The following NAALADL2 variants were observed in gnomAD, a reference collection of about 807,000 sequenced individuals.
NAALADL2 encodes N-acetylated alpha-linked acidic dipeptidase like 2.
Under a neutral mutation model 87.2 loss-of-function variants are expected in NAALADL2, and 76 were observed. That is an observed-to-expected ratio of 0.87 (90% CI 0.72 to 1.05). The LOEUF is 1.05. NAALADL2 is among the 50% of genes least tolerant of loss of function. NAALADL2 has a pLI of 0.00. For missense variants in NAALADL2, 1,089 were observed against 945.8 expected (o/e 1.15, Z -1.99); for synonymous variants, 354 against 331.0 (o/e 1.07, Z -0.75).
chr3:175,788,167 C>T (rs542046569), intron 13 of NAALADL2, among the ~76,000 whole-genome samples: 1 of 147,048 alleles, frequency 6.8e-6, no homozygotes, highest in East Asian at 2.0e-4. Context: ...GATCTGGGCT[C>T]ACTGCATCCT....
At chr3:175,255,229 T>C (rs986328846) in intron 3 of NAALADL2, among the ~76,000 whole-genome samples, 5 of 152,226 alleles carry the variant, frequency 3.3e-5, no homozygotes, top group Admixed American at 1.3e-4. Flanking sequence ...TACAGATGAA[T>C]GTGATGGCTG....
At chr3:175,773,508 T>C (rs1042416646) in intron 13 of NAALADL2, 1 of 152,116 alleles carries the variant, frequency 6.6e-6, no homozygotes, top group Non-Finnish European at 1.5e-5. Flanking sequence ...CCAAGTGCTA[T>C]TTAAGGTTAT....
chr3:174,591,843 T>C (rs1193589395), intron 2 of NAALADL2, among the ~76,000 whole-genome samples: 3 of 152,180 alleles, frequency 2.0e-5, no homozygotes, highest in Non-Finnish European at 4.4e-5. Flanking sequence ...TTTATGAGTT[T>C]TGCTGTTTTG....
At chr3:175,735,218 C>T (rs1474534145) in intron 11 of NAALADL2, among the ~76,000 whole-genome samples, 1 of 152,170 alleles carries the variant, frequency 6.6e-6, no homozygotes, top group Non-Finnish European at 1.5e-5. Context: ...CCAACAAGTT[C>T]CTTATCTTTA....
intron 1 of NAALADL2, among the ~76,000 whole-genome samples, chr3:174,878,868 T>G (rs758608613): frequency 1.3e-5 from 2 of 152,034 alleles, no homozygotes; most frequent in South Asian, 4.1e-4. Flanking sequence ...AAAACAATAA[T>G]AAAAAGAATG....
chr3:175,082,803 G>A (rs1165599841), intron 1 of NAALADL2, among the ~76,000 whole-genome samples: 1 of 152,124 alleles, frequency 6.6e-6, no homozygotes, highest in African/African-American at 2.4e-5. Context: ...CATAGGCTTG[G>A]TAAATATGTA....
chr3:174,592,240 T>A (rs1398636323), intron 2 of NAALADL2, among the ~76,000 whole-genome samples: 1 of 113,250 alleles, frequency 8.8e-6, no homozygotes, highest in Admixed American at 9.5e-5. Flanking sequence ...GAAACAATTT[T>A]TCTTTTTTTA....
At chr3:175,223,911 A>G (rs180731104) in intron 2 of NAALADL2, among the ~76,000 whole-genome samples, 4 of 152,316 alleles carry the variant, frequency 2.6e-5, no homozygotes, top group Admixed American at 2.0e-4. Context: ...AGGACTTTAC[A>G]TATGTTCTAA....
In NAALADL2 at chr3:175,078,028, C is replaced by CT. The variant is rs58379991; in HGVS notation, c.44-18749dup. Among the ~76,000 whole-genome samples, 525 of 143,730 alleles carry CT rather than the reference C, an allele frequency of 3.7e-3. 5 individuals are homozygous for CT. The highest frequency in any genetic ancestry group is 3.6e-3 in the Middle Eastern group (1 of 274). 94.3% of individuals were successfully genotyped at this position (143,730 alleles called of 152,430 possible). A position where few individuals can be genotyped will look rare whatever the true frequency, so the allele number is the denominator to read the frequency against. On this transcript the variant is annotated intron_variant, in intron 1 of 13. Coordinates refer to ENST00000454872, the MANE Select transcript of NAALADL2 (RefSeq NM_207015.3). Reference sequence around the variant, plus strand: ...TCGGTTTTGTTTTGTTCTTTTCTTTCTTTTTTTTTTTTTCTTGAGACAATC... The same window carrying CT: ...TCGGTTTTGTTTTGTTCTTTTCTTTCTTTTTTTTTTTTTTCTTGAGACAATC...
chr3:175,513,698 G>A (rs11714367), intron 9 of NAALADL2, among the ~76,000 whole-genome samples: 34,112 of 152,136 alleles, frequency 0.22, 5,277 homozygotes, highest in African/African-American at 0.44. Context: ...ACAGTGGGCA[G>A]TCTAAGGGAT....
chr3:175,770,405 G>T (rs1176417293), intron 13 of NAALADL2, among the ~76,000 whole-genome samples: 1 of 152,134 alleles, frequency 6.6e-6, no homozygotes, highest in East Asian at 1.9e-4. Context: ...TAATATGATT[G>T]ACAAGGCGAG....
intron 3 of NAALADL2, among the ~76,000 whole-genome samples, chr3:174,808,160 A>C (rs886798381): frequency 6.6e-6 from 1 of 152,156 alleles, no homozygotes; most frequent in African/African-American, 2.4e-5. Flanking sequence ...AAATTTCCAC[A>C]TACAGGTATC....
chr3:175,384,137 T>C (rs1768093356), intron 5 of NAALADL2, among the ~76,000 whole-genome samples: 1 of 152,096 alleles, frequency 6.6e-6, no homozygotes, highest in African/African-American at 2.4e-5. Flanking sequence ...ATTTCTATAT[T>C]TATCCTCTCT....
chr3:175,170,002 T>C (rs1180669202), intron 2 of NAALADL2, among the ~76,000 whole-genome samples: 6 of 151,840 alleles, frequency 4.0e-5, no homozygotes, highest in African/African-American at 1.4e-4. Flanking sequence ...TGGGTTGCAC[T>C]TTAATAGAAG....
At chr3:175,174,235 C>G (rs560174514) in intron 2 of NAALADL2, among the ~76,000 whole-genome samples, 1 of 152,066 alleles carries the variant, frequency 6.6e-6, no homozygotes, top group South Asian at 2.1e-4. Flanking sequence ...CAAGTTACCC[C>G]GTGTTTAATA....
chr3:174,642,264 G>T (rs965076401), intron 2 of NAALADL2, among the ~76,000 whole-genome samples: 1 of 151,996 alleles, frequency 6.6e-6, no homozygotes, highest in African/African-American at 2.4e-5. Context: ...ACTTTAGGAG[G>T]CTGAAGTGTG....
chr3:175,133,733 C>G (rs377558176), intron 2 of NAALADL2, among the ~76,000 whole-genome samples: 1 of 151,890 alleles, frequency 6.6e-6, no homozygotes, highest in African/African-American at 2.4e-5. Context: ...AGAGGGAGAC[C>G]GTGGGGAGAG....
chr3:175,753,758 C>T (rs1022706836), intron 12 of NAALADL2, among the ~76,000 whole-genome samples: 1 of 152,124 alleles, frequency 6.6e-6, no homozygotes, highest in Non-Finnish European at 1.5e-5. Context: ...GAACTGGTAA[C>T]CCTTGGACTT....
chr3:175,155,105 A>G (rs535128857), intron 2 of NAALADL2, among the ~76,000 whole-genome samples: 1 of 152,056 alleles, frequency 6.6e-6, no homozygotes, highest in African/African-American at 2.4e-5. Flanking sequence ...GTGGTCCTCC[A>G]CTCTAGCTGT....
Sources: gnomAD v4.1 joint callset for allele counts (sites outside exome capture counted in the v4.1 genomes callset) on GRCh38, gnomAD v4.1.1 for gene constraint, MANE v1.5 for transcripts, NCBI Gene and HGNC (gene_info 2026-07-23, HGNC 2026-07-21) for gene names.